The following SPOCK1 variants were observed in gnomAD, a reference collection of about 807,000 sequenced individuals.
SPOCK1 encodes testican-1.
SPOCK1 carries 23 observed loss-of-function variants against 55.3 expected under a neutral mutation model. The ratio of observed to expected loss-of-function variants is 0.42; its 90% CI spans 0.30 to 0.59. SPOCK1 has a LOEUF of 0.59. SPOCK1 is among the 20% of genes least tolerant of loss of function. SPOCK1 has a pLI of 0.22. For missense variants in SPOCK1, 499 were observed against 552.5 expected, an observed-to-expected ratio of 0.90 and a Z score of 0.97; for synonymous variants, 226 against 221.0, an observed-to-expected ratio of 1.02 and a Z score of -0.20.
intron 2 of SPOCK1, among the ~76,000 whole-genome samples, chr5:137,497,837 C>G (rs73304330): frequency 0.012 from 1,819 of 150,478 alleles, 32 homozygotes; most frequent in African/African-American, 0.041. Flanking sequence ...TTGCCATGAC[C>G]GCCTCCCTCA....
At chr5:137,110,629 G>A (rs1445210332) in intron 5 of SPOCK1, among the ~76,000 whole-genome samples, 1 of 152,192 alleles carries the variant, frequency 6.6e-6, no homozygotes, top group Non-Finnish European at 1.5e-5. Flanking sequence ...AGGGGATGGG[G>A]AAGTGTGGGT....
chr5:137,462,456 A>G (rs1753509036), intron 2 of SPOCK1, among the ~76,000 whole-genome samples: 1 of 152,188 alleles, frequency 6.6e-6, no homozygotes, highest in Admixed American at 6.5e-5. Flanking sequence ...CAAGCCACAG[A>G]CACTGGGCAG....
chr5:137,268,980 C>G (rs952415400), intron 2 of SPOCK1, among the ~76,000 whole-genome samples: 4 of 152,206 alleles, frequency 2.6e-5, no homozygotes, highest in African/African-American at 4.8e-5. Context: ...GAGCAAGTCT[C>G]AAGAACTGGA....
chr5:137,004,411 C>A (rs1751205503), intron 6 of SPOCK1, among the ~76,000 whole-genome samples: 1 of 152,122 alleles, frequency 6.6e-6, no homozygotes, highest in African/African-American at 2.4e-5. Context: ...ATGCAAGTCT[C>A]TCAATCATCT....
At chr5:137,203,614 A>T (rs1360860526) in intron 3 of SPOCK1, among the ~76,000 whole-genome samples, 6 of 152,278 alleles carry the variant, frequency 3.9e-5, no homozygotes, top group Non-Finnish European at 8.8e-5. Context: ...CCTGAAGGGT[A>T]ATGTGTGCTT....
At chr5:137,309,035 T>C (rs889299783) in intron 2 of SPOCK1, among the ~76,000 whole-genome samples, 32 of 152,212 alleles carry the variant, frequency 2.1e-4, no homozygotes, top group African/African-American at 7.5e-4. Flanking sequence ...CCCCCTTCTT[T>C]GTGCTTTTCT....
chr5:136,983,926 C>T (rs1750785746), intron 9 of SPOCK1, among the ~76,000 whole-genome samples: 1 of 152,092 alleles, frequency 6.6e-6, no homozygotes, highest in African/African-American at 2.4e-5. Flanking sequence ...CACAGGTGAC[C>T]CTTACCAATG....
chr5:137,171,250 C>A (rs1456377099), intron 3 of SPOCK1, among the ~76,000 whole-genome samples: 1 of 152,096 alleles, frequency 6.6e-6, no homozygotes, highest in African/African-American at 2.4e-5. Flanking sequence ...CTCCTATGAC[C>A]CATATTCAAT....
intron 2 of SPOCK1, among the ~76,000 whole-genome samples, chr5:137,472,114 T>C (rs1753749160): frequency 6.6e-6 from 1 of 152,134 alleles, no homozygotes; most frequent in South Asian, 2.1e-4. Flanking sequence ...CTGCCACGAA[T>C]TCTTGGGAGG....
intron 2 of SPOCK1, among the ~76,000 whole-genome samples, chr5:137,456,339 CAT>C (rs923921095): frequency 6.6e-5 from 10 of 152,192 alleles, no homozygotes. Context: ...ACCAATAACT[CAT>C]GTGTCATAAT....
At chr5:137,249,821 C>G (rs1176418256) in intron 3 of SPOCK1, among the ~76,000 whole-genome samples, 1 of 152,118 alleles carries the variant, frequency 6.6e-6, no homozygotes, top group East Asian at 1.9e-4. Flanking sequence ...ATTTGACAAT[C>G]TTCAAGATAA....
intron 2 of SPOCK1, among the ~76,000 whole-genome samples, chr5:137,489,637 T>C (rs1236221451): frequency 6.6e-6 from 1 of 152,230 alleles, no homozygotes; most frequent in African/African-American, 2.4e-5. Context: ...GGGCCATCTG[T>C]GTGCCTCACT....
chr5:137,266,492 C>T (rs1470422806), intron 3 of SPOCK1, among the ~76,000 whole-genome samples: 1 of 152,110 alleles, frequency 6.6e-6, no homozygotes, highest in Non-Finnish European at 1.5e-5. Flanking sequence ...TTCTGTGGGC[C>T]ATGCTTAAAC....
chr5:137,116,556 G>A (rs1268259686), intron 4 of SPOCK1, among the ~76,000 whole-genome samples: 5 of 151,930 alleles, frequency 3.3e-5, no homozygotes, highest in African/African-American at 2.4e-5. Context: ...TGAGGCAGGA[G>A]AATCACTTGA....
At chr5:137,014,970 T>C (rs1189164244) in intron 6 of SPOCK1, among the ~76,000 whole-genome samples, 1 of 152,182 alleles carries the variant, frequency 6.6e-6, no homozygotes, top group East Asian at 1.9e-4. Flanking sequence ...CCAGAACAGA[T>C]AGATTCTCTC....
intron 3 of SPOCK1, among the ~76,000 whole-genome samples, chr5:137,169,833 G>A (rs878951266): frequency 1.4e-4 from 21 of 152,148 alleles, no homozygotes; most frequent in African/African-American, 2.4e-5. Flanking sequence ...ACACAGCCAG[G>A]CCAAGATTCA....
chr5:137,327,289 A>G (rs2040660), intron 2 of SPOCK1, among the ~76,000 whole-genome samples: 34,498 of 152,166 alleles, frequency 0.23, 4,179 homozygotes, highest in African/African-American at 0.3. Context: ...ATCATTGGGT[A>G]TATCCCAATA....
chr5:136,989,019 CA>C (rs1750897880), intron 7 of SPOCK1, among the ~76,000 whole-genome samples: 1 of 152,082 alleles, frequency 6.6e-6, no homozygotes, highest in African/African-American at 2.4e-5. Flanking sequence ...TTTCGTATTT[CA>C]AAAAATACTG....
intron 3 of SPOCK1, among the ~76,000 whole-genome samples, chr5:137,259,688 T>TG (rs374131674): frequency 0.051 from 6,659 of 130,154 alleles, 251 homozygotes; most frequent in East Asian, 0.13. Context: ...CACATGAAAG[T>TG]AAAAAAAAAA....
Sources: allele counts gnomAD v4.1 joint callset (sites outside exome capture counted in the v4.1 genomes callset), GRCh38; gene constraint gnomAD v4.1.1; transcripts MANE v1.5; gene names NCBI Gene and HGNC (gene_info 2026-07-23, HGNC 2026-07-21).